Variants in CBR4 observed in about 807,000 individuals in gnomAD.
The protein encoded by CBR4 is 3-oxoacyl-[acyl-carrier-protein] reductase.
Under a neutral mutation model 21.0 loss-of-function variants are expected in CBR4, and 22 were observed. The observed-to-expected ratio is 1.05, with a 90% confidence interval of 0.75 to 1.50. CBR4 has a LOEUF of 1.50. CBR4 is among the 40% of genes most tolerant of loss of function. The probability of loss-of-function intolerance (pLI) is 0.00; values close to 1 mark genes in which losing one functional copy is unlikely to be tolerated. For synonymous variants in CBR4, 100 were observed against 104.4 expected (o/e 0.96, Z 0.26); for missense variants, 302 against 286.3 (o/e 1.05, Z -0.40).
chr4:168,942,234 G>T (rs962346341), intron 2 of CBR4, among the ~76,000 whole-genome samples: 2 of 151,886 alleles, frequency 1.3e-5, no homozygotes, highest in Non-Finnish European at 2.9e-5. Context: ...GGCCTGTTGG[G>T]GGGTGGGGAG....
chr4:168,916,553 A>G (rs1412122454), intron 2 of CBR4, among the ~76,000 whole-genome samples: 1 of 152,194 alleles, frequency 6.6e-6, no homozygotes, highest in African/African-American at 2.4e-5. Flanking sequence ...GAAAGTCATC[A>G]GGAGGTTTTA....
rs35396431 is a variant in CBR4, at chr4:168,999,636, C to CAA, written c.535+2433_535+2434dup. Reference sequence around the variant, plus strand: ...GAGTGATAAATAAAACCACCACTTTCAAAAAAAAAAAAAAAAAACTGCACT... The same window carrying CAA: ...GAGTGATAAATAAAACCACCACTTTCAAAAAAAAAAAAAAAAAAAACTGCACT... On this transcript the variant is annotated intron_variant, in intron 4 of 4. Transcript: ENST00000306193. Among the ~76,000 whole-genome samples the CAA allele has an allele frequency of 2.2e-3, 172 of 77,276 alleles. 1 individual carries two copies. The highest frequency in any genetic ancestry group is 6.9e-3 in the African/African-American group (147 of 21,420). The allele number at this position is 77,276 out of a possible 152,430, so 50.7% of individuals were successfully genotyped here.
chr4:169,007,851 G>C lies in CBR4; in HGVS notation c.143-95C>G, dbSNP rs1020124407. On this transcript the variant is annotated intron_variant, in intron 1 of 4. Coordinates refer to ENST00000306193, the MANE Select transcript of CBR4 (RefSeq NM_032783.5). ...AGCATCTATCTAAGATGGCAGGCCT[G>C]TGCTAATCTAGAACCTAAAGATTAA... 3.6e-6 allele frequency: 3 copies of C among 839,480 alleles called. No individual in the cohort carries two copies. The African/African-American group carries it at 5.4e-5, about 15-fold the overall frequency. 52.0% of individuals were successfully genotyped at this position (839,480 alleles called of 1,614,324 possible).
At chr4:168,912,281 C>T (rs776790920) in intron 2 of CBR4, among the ~76,000 whole-genome samples, 21 of 152,226 alleles carry the variant, frequency 1.4e-4, no homozygotes, top group Non-Finnish European at 2.1e-4. Flanking sequence ...GAGGGCTTCT[C>T]ATCAACTCTG....
intron 2 of CBR4, chr4:168,915,825 C>A: frequency 1.6e-6 from 2 of 1,213,616 alleles, no homozygotes; most frequent in Non-Finnish European, 1.2e-6. Context: ...TTTAAGAAAA[C>A]AGATGACTAA....
intron 2 of CBR4, among the ~76,000 whole-genome samples, chr4:168,961,537 T>A (rs1763854040): frequency 6.6e-6 from 1 of 152,106 alleles, no homozygotes; most frequent in African/African-American, 2.4e-5. Flanking sequence ...CAGTTTCCAG[T>A]TTCTCCATGA....
chr4:168,986,559 G>C (rs908349158), downstream of CBR4, among the ~76,000 whole-genome samples: 1 of 151,970 alleles, frequency 6.6e-6, no homozygotes, highest in Non-Finnish European at 1.5e-5. Context: ...TTGTTTTTTT[G>C]TCACCATTCT....
chr4:169,005,825 A>G (rs1201472955), intron 3 of CBR4: 2 of 1,185,872 alleles, frequency 1.7e-6, no homozygotes, highest in Non-Finnish European at 2.2e-6. Context: ...CAAAACAGAA[A>G]AACTCTAAAT....
chr4:169,001,960 A>G (rs923541886), intron 4 of CBR4, 111 bp downstream of exon 4: 2 of 1,061,646 alleles, frequency 1.9e-6, no homozygotes, highest in African/African-American at 3.3e-5. Flanking sequence ...TTCTTTTCAC[A>G]ATCATTTTAC....
intron 2 of CBR4, among the ~76,000 whole-genome samples, chr4:168,954,345 G>A (rs1456232112): frequency 2.0e-5 from 3 of 152,072 alleles, no homozygotes; most frequent in African/African-American, 7.2e-5. Flanking sequence ...CCACAAACTG[G>A]GTAATTTATA....
intron 4 of CBR4, among the ~76,000 whole-genome samples, chr4:168,991,462 T>C (rs1181805713): frequency 1.3e-5 from 2 of 152,234 alleles, no homozygotes; most frequent in Non-Finnish European, 2.9e-5. Flanking sequence ...AAGGCCAGTA[T>C]TTCCCATATC....
At chr4:168,973,071 T>C (rs1054416530) in intron 2 of CBR4, among the ~76,000 whole-genome samples, 4 of 152,202 alleles carry the variant, frequency 2.6e-5, no homozygotes, top group Admixed American at 6.5e-5. Flanking sequence ...TGTGGTGTAT[T>C]GCATCTATTG....
At chr4:168,913,290 C>T (rs909336571) in intron 2 of CBR4, among the ~76,000 whole-genome samples, 5 of 152,054 alleles carry the variant, frequency 3.3e-5, no homozygotes, top group African/African-American at 1.2e-4. Context: ...GTGCATGCCA[C>T]CACGCCCGGC....
intron 2 of CBR4, among the ~76,000 whole-genome samples, chr4:168,976,371 C>T (rs756850005): frequency 1.3e-5 from 2 of 152,186 alleles, no homozygotes; most frequent in Admixed American, 6.5e-5. Flanking sequence ...TTGTCATGCA[C>T]GTCCATGTGA....
intron 2 of CBR4, among the ~76,000 whole-genome samples, chr4:168,974,783 T>A (rs1764318965): frequency 6.6e-6 from 1 of 152,222 alleles, no homozygotes; most frequent in Non-Finnish European, 1.5e-5. Context: ...TATCTATTTC[T>A]CTGGAGACTG....
chr4:168,918,931 A>T (rs1482813227), intron 2 of CBR4, among the ~76,000 whole-genome samples: 1 of 152,164 alleles, frequency 6.6e-6, no homozygotes, highest in Non-Finnish European at 1.5e-5. Context: ...TGGAATTGTG[A>T]TTATGGAAAA....
In CBR4 at chr4:168,951,588, C is replaced by G. The variant is rs1048330394; in HGVS notation, n.169+50483G>C. On this transcript the variant is annotated intron_variant and non_coding_transcript_variant, in intron 2 of 3. Coordinates refer to the CBR4 transcript ENST00000509108. ...TTTCAAGATTTAGAGCTCCTTTTAG[C>G]AGTTCTTGTAGTGGTGGCTTGGTAG... is the stretch of plus-strand genomic sequence containing the variant. Among the ~76,000 whole-genome samples, 4 of 152,302 alleles carry G rather than the reference C, an allele frequency of 2.6e-5. No individual in the cohort carries two copies. In the Middle Eastern group the frequency reaches 0.014, roughly 518 times the overall value.
At chr4:168,925,897 G>GA (rs899559565) in intron 2 of CBR4, among the ~76,000 whole-genome samples, 3 of 152,054 alleles carry the variant, frequency 2.0e-5, no homozygotes, top group African/African-American at 7.2e-5. Flanking sequence ...TTTAAAAGGA[G>GA]AGGGGGGATG....
In CBR4 at chr4:168,947,111, G is replaced by A. The variant is rs115595165; in HGVS notation, n.170-52346C>T. Among the ~76,000 whole-genome samples the A allele has an allele frequency of 2.3e-3, 346 of 152,034 alleles. 1 individual carries two copies. The highest frequency in any genetic ancestry group is 8.2e-3 in the African/African-American group (339 of 41,458). ...TGCCTCATAGACATAGAGTTTAGTC[G>A]TGCCCCTGTCATGTTTTTTTTTAAA... On this transcript the variant is annotated intron_variant and non_coding_transcript_variant, in intron 2 of 3. Transcript: ENST00000509108.
Sources: allele counts gnomAD v4.1 joint callset (sites outside exome capture counted in the v4.1 genomes callset), GRCh38; gene constraint gnomAD v4.1.1; transcripts MANE v1.5; gene names NCBI Gene and HGNC (gene_info 2026-07-23, HGNC 2026-07-21).